PCDH15: variants seen among roughly 807,000 people sequenced by gnomAD.
PCDH15 encodes the protein protocadherin-15.
Under a neutral mutation model 178.5 loss-of-function variants are expected in PCDH15, and 129 were observed. That is an observed-to-expected ratio of 0.72 (90% CI 0.63 to 0.84). PCDH15 has a LOEUF of 0.84. Ranked by LOEUF, PCDH15 falls within the 40% of genes least tolerant of loss-of-function variation. The pLI is 0.00. For missense variants in PCDH15, 2,230 were observed against 2,099.9 expected, an observed-to-expected ratio of 1.06 and a Z score of -1.21; for synonymous variants, 800 against 732.0, an observed-to-expected ratio of 1.09 and a Z score of -1.50.
chr10:55,589,056 G>C (rs1379528945), intron 2 of PCDH15, among the ~76,000 whole-genome samples: 1 of 147,558 alleles, frequency 6.8e-6, no homozygotes, highest in Admixed American at 6.8e-5. Context: ...ACTTCAGCCT[G>C]GGCAGCAAGA....
At chr10:54,814,190 T>C (rs1419312855) in intron 3 of PCDH15, among the ~76,000 whole-genome samples, 3 of 152,196 alleles carry the variant, frequency 2.0e-5, no homozygotes, top group Non-Finnish European at 4.4e-5. Flanking sequence ...CCTCCATTTG[T>C]TTTACAATGT....
intron 3 of PCDH15, among the ~76,000 whole-genome samples, chr10:54,386,616 C>T (rs1949964175): frequency 6.6e-6 from 1 of 151,730 alleles, no homozygotes; most frequent in African/African-American, 2.4e-5. Flanking sequence ...TGAAATCCAA[C>T]GAAAAACAAA....
chr10:54,675,628 G>A (rs1256409230), intron 1 of PCDH15, among the ~76,000 whole-genome samples: 1 of 151,878 alleles, frequency 6.6e-6, no homozygotes, highest in Non-Finnish European at 1.5e-5. Context: ...TCTCTGACAA[G>A]TCACTTCCTC....
intron 3 of PCDH15, among the ~76,000 whole-genome samples, chr10:54,841,644 G>A (rs1050053788): frequency 2.6e-5 from 4 of 151,498 alleles, no homozygotes; most frequent in African/African-American, 9.7e-5. Flanking sequence ...ATGCATAAAA[G>A]TTTTAAAAAT....
At chr10:54,587,792 T>C (rs766812178) in intron 2 of PCDH15, among the ~76,000 whole-genome samples, 3 of 152,130 alleles carry the variant, frequency 2.0e-5, no homozygotes, top group Non-Finnish European at 2.9e-5. Context: ...GGCCAGCATA[T>C]GTGAAAGTAT....
intron 1 of PCDH15, among the ~76,000 whole-genome samples, chr10:54,780,724 GC>G (rs1260851673): frequency 8.3e-6 from 1 of 120,232 alleles, no homozygotes; most frequent in Admixed American, 9.7e-5. Flanking sequence ...AGGTGATAAA[GC>G]AATTGTGTAA....
chr10:55,540,992 A>G (rs1183112650), intron 2 of PCDH15, among the ~76,000 whole-genome samples: 1 of 152,050 alleles, frequency 6.6e-6, no homozygotes, highest in Non-Finnish European at 1.5e-5. Flanking sequence ...ACCCATTAAT[A>G]AAAGGGAATT....
At chr10:54,482,308 C>T (rs2078774251) in intron 3 of PCDH15, among the ~76,000 whole-genome samples, 1 of 151,636 alleles carries the variant, frequency 6.6e-6, no homozygotes, top group African/African-American at 2.4e-5. Context: ...CAAAATAATA[C>T]TGAAAAGGGT....
In PCDH15 at chr10:55,571,602, C is replaced by T. The variant is rs186768591; in HGVS notation, c.-156+56023G>A. 2.1e-3 allele frequency among the ~76,000 whole-genome samples: 321 copies of T among 152,134 alleles called. 1 individual carries two copies. Among genetic ancestry groups the T allele is most frequent in the African/African-American group, 7.1e-3 (294 of 41,522 alleles). On this transcript the variant is annotated intron_variant, in intron 2 of 5. Coordinates refer to the PCDH15 transcript ENST00000613346. ...AGGTGGCAACTAGAACAAATCTCTT[C>T]AAATTAGTAACTAATCTTTCAAAAT...
At chr10:55,533,642 A>G (rs1011018262) in intron 2 of PCDH15, among the ~76,000 whole-genome samples, 1 of 152,048 alleles carries the variant, frequency 6.6e-6, no homozygotes, top group East Asian at 1.9e-4. Flanking sequence ...CATTAAAATG[A>G]TCATACTGTC....
intron 2 of PCDH15, among the ~76,000 whole-genome samples, chr10:55,531,537 A>G (rs143320604): frequency 1.3e-3 from 194 of 152,122 alleles, no homozygotes; most frequent in African/African-American, 4.1e-3. Context: ...TCTGAAAGCC[A>G]CGCATATTTT....
intron 2 of PCDH15, among the ~76,000 whole-genome samples, chr10:55,520,972 T>C (rs1366575838): frequency 1.3e-5 from 2 of 151,958 alleles, no homozygotes; most frequent in East Asian, 3.9e-4. Context: ...GCTTAAGATC[T>C]ACTCTCAGCA....
intron 2 of PCDH15, among the ~76,000 whole-genome samples, chr10:55,519,980 C>T (rs1249244408): frequency 6.7e-6 from 1 of 148,564 alleles, no homozygotes; most frequent in East Asian, 2.0e-4. Context: ...TACCTAATAC[C>T]ATAACATACA....
At chr10:55,572,784 G>T (rs1032807693) in intron 2 of PCDH15, among the ~76,000 whole-genome samples, 1 of 152,028 alleles carries the variant, frequency 6.6e-6, no homozygotes, top group Non-Finnish European at 1.5e-5. Context: ...TAAAAGGCAT[G>T]CTGATCATTA....
At chr10:54,043,217 T>C (rs778391280) in intron 18 of PCDH15, among the ~76,000 whole-genome samples, 8 of 152,052 alleles carry the variant, frequency 5.3e-5, no homozygotes, top group Non-Finnish European at 7.4e-5. Flanking sequence ...AACAAAGGTG[T>C]TGAAAAAGAA....
At chr10:54,744,106 T>C (rs1591399883) in intron 1 of PCDH15, among the ~76,000 whole-genome samples, 1 of 152,258 alleles carries the variant, frequency 6.6e-6, no homozygotes, top group East Asian at 1.9e-4. Flanking sequence ...TGTTGTGAGA[T>C]GCTTTATGGA....
At chr10:54,922,472 G>A (rs1837519575) in intron 2 of PCDH15, among the ~76,000 whole-genome samples, 1 of 152,048 alleles carries the variant, frequency 6.6e-6, no homozygotes, top group Admixed American at 6.6e-5. Flanking sequence ...CTCATATGTG[G>A]AAAGGAGTTG....
intron 1 of PCDH15, among the ~76,000 whole-genome samples, chr10:54,703,361 A>G (rs1187125192): frequency 2.0e-5 from 3 of 152,000 alleles, no homozygotes; most frequent in African/African-American, 7.2e-5. Flanking sequence ...TTAACATAGT[A>G]CTTCAAGTCC....
At chr10:55,029,465 A>G (rs143280401) in intron 2 of PCDH15, among the ~76,000 whole-genome samples, 211 of 152,222 alleles carry the variant, frequency 1.4e-3, no homozygotes, top group African/African-American at 4.7e-3. Flanking sequence ...TAGCTCTTCT[A>G]TATGTACACT....
Sources: allele counts gnomAD v4.1 joint callset (sites outside exome capture counted in the v4.1 genomes callset), GRCh38; gene constraint gnomAD v4.1.1; transcripts MANE v1.5; gene names NCBI Gene and HGNC (gene_info 2026-07-23, HGNC 2026-07-21).